Variants in MYO5C observed in about 807,000 individuals in gnomAD.
MYO5C encodes the protein myosin VC.
A neutral mutation model predicts 235.7 loss-of-function variants in MYO5C; 194 were observed. The ratio of observed to expected loss-of-function variants is 0.82; its 90% CI spans 0.73 to 0.93. The LOEUF is 0.93. Among genes scored for constraint, MYO5C ranks in the 40% least tolerant of loss-of-function variants. MYO5C has a pLI of 0.00. For synonymous variants in MYO5C, 707 were observed against 754.8 expected (o/e 0.94, Z 1.04); for missense variants, 2,038 against 2,127.2 (o/e 0.96, Z 0.82).
Position 52,269,772 on chromosome 15 carries a change from T to C in MYO5C, c.921A>G (p.Gln307=), listed in dbSNP as rs775514374. Residue 307 remains glutamine, a synonymous_variant, in exon 8 of 41, where the codon CAA becomes CAG. Coordinates refer to ENST00000261839, the MANE Select transcript of MYO5C (RefSeq NM_018728.4). The part of the protein sequence containing the change: ...VNDRAEMVET[Q]KTFTLLGFKE... ...CCTTACCCAGAAGCGTGAAGGTCTT[T>C]TGAGTCTCTACCATTTCAGCTCGAT... 3.1e-6 allele frequency: 5 copies of C among 1,611,670 alleles called. No homozygotes were observed. The Admixed American group carries it at 8.3e-5, about 27-fold the overall frequency.
At position 52,224,202 on chromosome 15, in the gene MYO5C, G is replaced by A. The variant is rs201608332; in HGVS notation, c.3447-478C>T. 5.0e-3 allele frequency among the ~76,000 whole-genome samples: 766 copies of A among 152,312 alleles called. 13 individuals are homozygous for A. Among genetic ancestry groups the A allele is most frequent in the Admixed American group, 0.027 (406 of 15,304 alleles). ...GGAGGCTGAGGCACGCAAATCGCTT[G>A]AAACCTGGAGGTGGAGGTTGCGGTG... On this transcript the variant is annotated intron_variant, in intron 28 of 40. Coordinates refer to ENST00000261839, the MANE Select transcript of MYO5C (RefSeq NM_018728.4).
At chr15:52,254,985 G>A (rs1389337912) in intron 11 of MYO5C, among the ~76,000 whole-genome samples, 2 of 144,584 alleles carry the variant, frequency 1.4e-5, no homozygotes, top group Non-Finnish European at 3.0e-5. Context: ...GAAATTTAAT[G>A]GTTATACATG....
In MYO5C at chr15:52,218,895, C is replaced by T. The variant is rs117285613; in HGVS notation, c.3786-208G>A. On this transcript the variant is annotated intron_variant, in intron 31 of 40. Transcript: ENST00000261839. ...GGGATAGAAAACTGTCCATGGACTGCTCTGGTCTCCTTCCCCCAATAAGAG... is the reference window on the plus strand; with the variant it reads ...GGGATAGAAAACTGTCCATGGACTGTTCTGGTCTCCTTCCCCCAATAAGAG... 4.8e-3 allele frequency among the ~76,000 whole-genome samples: 727 copies of T among 152,302 alleles called. 14 individuals carry two copies. The highest frequency in any genetic ancestry group is 0.025 in the Admixed American group (385 of 15,304).
intron 10 of MYO5C, among the ~76,000 whole-genome samples, chr15:52,259,946 G>A (rs1455952195): frequency 6.6e-6 from 1 of 152,210 alleles, no homozygotes; most frequent in Non-Finnish European, 1.5e-5. Flanking sequence ...CCATGGTGTG[G>A]GGAAGATCCC....
intron 12 of MYO5C, among the ~76,000 whole-genome samples, chr15:52,252,496 C>T (rs2036492180): frequency 6.6e-6 from 1 of 151,414 alleles, no homozygotes; most frequent in African/African-American, 2.4e-5. Context: ...CAAAAATTGG[C>T]CGGGCGCAGT....
At position 52,223,737 on chromosome 15, in the gene MYO5C, G is replaced by C; in HGVS notation, c.3447-13C>G. On this transcript the variant is annotated splice_polypyrimidine_tract_variant and intron_variant, in intron 28 of 40. Coordinates refer to ENST00000261839, the MANE Select transcript of MYO5C (RefSeq NM_018728.4). ...GCTCTCCAAAACACTATTAAAGGAG[G>C]GGTCAAGAAATAAACCACATGGCCT... 1.2e-6 allele frequency: 2 copies of C among 1,608,338 alleles called. No individual in the cohort carries two copies. Among genetic ancestry groups the C allele is most frequent in the Non-Finnish European group, 1.7e-6 (2 of 1,176,982 alleles).
chr15:52,234,504 A>C (rs1472835339), intron 23 of MYO5C, among the ~76,000 whole-genome samples: 1 of 152,184 alleles, frequency 6.6e-6, no homozygotes, highest in Non-Finnish European at 1.5e-5. Flanking sequence ...AAGCCAAAAC[A>C]ACCACCCAAG....
At chr15:52,266,367 T>C (rs2036811709) in intron 8 of MYO5C, among the ~76,000 whole-genome samples, 1 of 152,022 alleles carries the variant, frequency 6.6e-6, no homozygotes. Context: ...AACACTCAAA[T>C]GGCAGGGGTC....
rs750868523 is a variant in MYO5C at position 52,251,441 on chromosome 15, T to C, written c.1611A>G (p.Glu537=). 6.2e-7 allele frequency: 1 copy of C among 1,606,690 alleles called. No individual in the cohort carries two copies. The change falls in exon 13 of 41, where the codon GAA becomes GAG. Residue 537 remains glutamate (E), a synonymous_variant. Coordinates refer to ENST00000261839, the MANE Select transcript of MYO5C (RefSeq NM_018728.4). ...NNFVNRNPLF[E]KPRMSNTSFV... ...AGGATGTGTTTGACATTCTAGGCTTTTCAAACAAAGGGTTCCTGTTGACAA... is the reference window on the plus strand; with the variant it reads ...AGGATGTGTTTGACATTCTAGGCTTCTCAAACAAAGGGTTCCTGTTGACAA...
intron 8 of MYO5C, chr15:52,265,218 T>A (rs571433264): frequency 6.6e-6 from 1 of 152,304 alleles, no homozygotes; most frequent in African/African-American, 2.4e-5. Flanking sequence ...ATTAGCACAT[T>A]TCCTGGAGCC....
chr15:52,225,109 G>A lies in MYO5C; in HGVS notation c.3331C>T (p.Leu1111Phe). The A allele has an allele frequency of 6.2e-7, 1 of 1,614,104 alleles. No homozygotes were observed. Among genetic ancestry groups the A allele is most frequent in the Admixed American group, 1.7e-5 (1 of 60,022 alleles). ...ACATCTTCAATGTCATAGCTTTCGA[G>A]AAGTTGTTTGGTGATCTCTGACATC... is the stretch of plus-strand genomic sequence containing the variant. ...EKMSEITKQL[L>F]ESYDIEDVRS... The change falls in exon 27 of 41, where the codon CTC (leucine) becomes TTC (phenylalanine). Residue 1111 changes from leucine (L) to phenylalanine (F), a missense_variant. Coordinates refer to ENST00000261839, the MANE Select transcript of MYO5C (RefSeq NM_018728.4).
At chr15:52,258,002 G>A (rs1335926630) in intron 10 of MYO5C, among the ~76,000 whole-genome samples, 1 of 152,178 alleles carries the variant, frequency 6.6e-6, no homozygotes. Flanking sequence ...TTCGGAGGCT[G>A]GTCTGCTCAT....
At chr15:52,231,305 C>T (rs367689559) in intron 24 of MYO5C, among the ~76,000 whole-genome samples, 2 of 152,072 alleles carry the variant, frequency 1.3e-5, no homozygotes, top group East Asian at 1.9e-4. Flanking sequence ...AGGCAGAACA[C>T]GGGCCTAGAG....
rs201871902 is a variant in MYO5C, at chr15:52,233,917, CT to C, written c.2963-1233del. ...CCGTCGATAGCAATTCTCCAAATTA[CT>C]TTTTTTTTTTAGCCAACAGTTTAAT... On this transcript the variant is annotated intron_variant, in intron 23 of 40. Transcript: ENST00000261839. Among the ~76,000 whole-genome samples, 60 of 148,366 alleles carry C rather than the reference CT, an allele frequency of 4.0e-4. 1 individual carries two copies. Among genetic ancestry groups the C allele is most frequent in the East Asian group, 7.8e-4 (4 of 5,110 alleles).
At chr15:52,252,398 T>G (rs2036490051) in intron 12 of MYO5C, among the ~76,000 whole-genome samples, 1 of 152,054 alleles carries the variant, frequency 6.6e-6, no homozygotes, top group South Asian at 2.1e-4. Context: ...AGGGCATACC[T>G]CCTTGTACTA....
chr15:52,285,930 T>A (rs929838553), intron 1 of MYO5C, among the ~76,000 whole-genome samples: 1 of 151,146 alleles, frequency 6.6e-6, no homozygotes, highest in Non-Finnish European at 1.5e-5. Flanking sequence ...CTGGCCGCCA[T>A]CCCATCTAGG....
intron 36 of MYO5C, among the ~76,000 whole-genome samples, chr15:52,207,551 A>T (rs987366279): frequency 2.0e-5 from 3 of 152,260 alleles, no homozygotes; most frequent in South Asian, 4.1e-4. Flanking sequence ...AATTTTGGAT[A>T]GGTAAAAACA....
rs1354915211 is a variant in MYO5C at position 52,240,547 on chromosome 15, AGAAAAAG to A, written c.2557-675_2557-669del. 2.9e-3 allele frequency among the ~76,000 whole-genome samples: 412 copies of A among 143,048 alleles called. 10 individuals carry two copies. The highest frequency in any genetic ancestry group is 9.9e-3 in the African/African-American group (394 of 39,936). The allele number at this position is 143,048 out of a possible 152,430, so 93.8% of individuals were successfully genotyped here. On this transcript the variant is annotated intron_variant, in intron 20 of 40. Transcript: ENST00000261839. The stretch of plus-strand genomic sequence containing the variant: ...ATAGAGACTCATTCTCTACAAAAAA[AGAAAAAG>A]AAGAAAAAAGAAAAAAAAAAAAGAA...
intron 1 of MYO5C, among the ~76,000 whole-genome samples, chr15:52,287,300 C>A (rs543441195): frequency 1.3e-5 from 2 of 152,320 alleles, no homozygotes; most frequent in African/African-American, 4.8e-5. Flanking sequence ...TAAAGAAACA[C>A]ACAGACACGC....
Sources: allele counts gnomAD v4.1 joint callset (sites outside exome capture counted in the v4.1 genomes callset), GRCh38; gene constraint gnomAD v4.1.1; transcripts MANE v1.5; gene names NCBI Gene and HGNC (gene_info 2026-07-23, HGNC 2026-07-21).